Variants in ZNF407 observed in about 807,000 individuals in gnomAD.
ZNF407 encodes zinc finger protein 407.
A neutral mutation model predicts 131.2 loss-of-function variants in ZNF407; 17 were observed. That is an observed-to-expected ratio of 0.13 (90% CI 0.09 to 0.19). The LOEUF is 0.19. Among genes scored for constraint, ZNF407 ranks in the 10% least tolerant of loss-of-function variants. The pLI is 1.00. For synonymous variants in ZNF407, 1,156 were observed against 1,062.0 expected (o/e 1.09, Z -1.72); for missense variants, 2,681 against 2,830.6 (o/e 0.95, Z 1.20).
intron 1 of ZNF407, among the ~76,000 whole-genome samples, chr18:74,601,159 G>T (rs1382777477): frequency 6.6e-6 from 1 of 152,164 alleles, no homozygotes; most frequent in Admixed American, 6.5e-5. Context: ...TTCCCTGTGT[G>T]GTGATGGAAG....
intron 8 of ZNF407, among the ~76,000 whole-genome samples, chr18:74,953,360 C>T (rs1311539832): frequency 6.6e-6 from 1 of 152,188 alleles, no homozygotes; most frequent in African/African-American, 2.4e-5. Context: ...CAACCAACGC[C>T]TTAATGTGTA....
At chr18:74,792,805 A>G (rs1000252857) in intron 4 of ZNF407, among the ~76,000 whole-genome samples, 4 of 152,170 alleles carry the variant, frequency 2.6e-5, no homozygotes, top group Non-Finnish European at 2.9e-5. Flanking sequence ...TACGTGGAAC[A>G]TAACTGTGTG....
intron 7 of ZNF407, among the ~76,000 whole-genome samples, chr18:74,916,997 C>T (rs1971780796): frequency 6.6e-6 from 1 of 151,424 alleles, no homozygotes; most frequent in Non-Finnish European, 1.5e-5. Context: ...ACTTTACCAC[C>T]TGCACATGTG....
chr18:74,894,938 T>G (rs948796337), intron 7 of ZNF407, among the ~76,000 whole-genome samples: 2 of 152,124 alleles, frequency 1.3e-5, no homozygotes, highest in African/African-American at 4.8e-5. Context: ...CTTCTAACCT[T>G]ACATACCCTT....
intron 3 of ZNF407, among the ~76,000 whole-genome samples, chr18:74,651,790 C>G (rs1985238252): frequency 6.6e-6 from 1 of 152,106 alleles, no homozygotes; most frequent in Non-Finnish European, 1.5e-5. Context: ...TGTCCCTCAA[C>G]AAAGAGAGCA....
At chr18:74,969,098 G>A (rs1972442526) in intron 8 of ZNF407, among the ~76,000 whole-genome samples, 1 of 152,226 alleles carries the variant, frequency 6.6e-6, no homozygotes, top group South Asian at 2.1e-4. Flanking sequence ...TTTCAGTTCT[G>A]TAAATTCCAT....
chr18:74,881,696 G>A (rs954164894), intron 6 of ZNF407, among the ~76,000 whole-genome samples: 2 of 152,128 alleles, frequency 1.3e-5, no homozygotes, highest in Non-Finnish European at 2.9e-5. Context: ...ACATCAAACA[G>A]CAACATGAGA....
intron 6 of ZNF407, among the ~76,000 whole-genome samples, chr18:74,881,421 C>T (rs1971236522): frequency 2.0e-5 from 3 of 152,106 alleles, no homozygotes; most frequent in African/African-American, 4.8e-5. Context: ...CTTCTCTGTC[C>T]GCAAATCTCT....
At position 74,676,714 on chromosome 18, in the gene ZNF407, G is replaced by T. The variant is rs182920854; in HGVS notation, c.4802+35592G>T. 6.2e-4 allele frequency among the ~76,000 whole-genome samples: 94 copies of T among 151,888 alleles called. No homozygotes were observed. In the Middle Eastern group the frequency reaches 0.014, roughly 22 times the overall value. ...CTCCCAGAATGCTGGGATTACAGAC[G>T]TGAGCCACTGTGCCCGGCCAGTATT... On this transcript the variant is annotated intron_variant, in intron 3 of 8. Transcript: ENST00000299687.
intron 4 of ZNF407, among the ~76,000 whole-genome samples, chr18:74,867,698 G>A (rs759374178): frequency 3.9e-5 from 6 of 152,150 alleles, no homozygotes; most frequent in South Asian, 2.1e-4. Context: ...CAGATATACC[G>A]TGTTTTTCCA....
intron 4 of ZNF407, chr18:74,804,200 A>G: frequency 7.4e-7 from 1 of 1,345,022 alleles, no homozygotes; most frequent in African/African-American, 1.5e-5. Flanking sequence ...TGTGTGATGT[A>G]AATCATCACA....
At chr18:74,852,086 G>C (rs1046706079) in intron 4 of ZNF407, among the ~76,000 whole-genome samples, 3 of 152,054 alleles carry the variant, frequency 2.0e-5, no homozygotes, top group African/African-American at 7.2e-5. Context: ...GCCTACCGCG[G>C]CAGAGAATAG....
At chr18:74,990,688 C>T (rs889654335) in intron 8 of ZNF407, among the ~76,000 whole-genome samples, 4 of 152,188 alleles carry the variant, frequency 2.6e-5, no homozygotes, top group African/African-American at 9.7e-5. Flanking sequence ...GCCACATTAA[C>T]TCTTCTTACA....
chr18:74,762,067 T>C (rs1969108461), intron 3 of ZNF407, among the ~76,000 whole-genome samples: 1 of 152,124 alleles, frequency 6.6e-6, no homozygotes, highest in Non-Finnish European at 1.5e-5. Context: ...GTTACCTTTT[T>C]GCTCTGAAAC....
intron 1 of ZNF407, among the ~76,000 whole-genome samples, chr18:74,625,114 G>C (rs954019062): frequency 2.6e-5 from 4 of 152,132 alleles, no homozygotes; most frequent in Non-Finnish European, 4.4e-5. Context: ...TTGAATGTTT[G>C]TTGTTATTTC....
chr18:75,039,689 T>A (rs1427719032), intron 8 of ZNF407, among the ~76,000 whole-genome samples: 1 of 149,904 alleles, frequency 6.7e-6, no homozygotes, highest in Non-Finnish European at 1.5e-5. Context: ...AGATTATCTC[T>A]CAGCCTATTT....
chr18:74,601,323 G>GTGTA (rs1568309568), intron 1 of ZNF407, among the ~76,000 whole-genome samples: 2 of 125,102 alleles, frequency 1.6e-5, no homozygotes, highest in Non-Finnish European at 3.3e-5. Context: ...GTGTGTGTGT[G>GTGTA]TATGTCTGTG....
At chr18:74,750,202 T>C (rs1286387655) in intron 3 of ZNF407, among the ~76,000 whole-genome samples, 1 of 152,208 alleles carries the variant, frequency 6.6e-6, no homozygotes, top group Non-Finnish European at 1.5e-5. Context: ...TGAATTCTTT[T>C]AGGCATTACT....
intron 8 of ZNF407, among the ~76,000 whole-genome samples, chr18:74,986,839 C>G (rs557958554): frequency 6.6e-6 from 1 of 152,090 alleles, no homozygotes; most frequent in African/African-American, 2.4e-5. Flanking sequence ...CCTGTTTATT[C>G]TTCTATTTTT....
Sources: allele counts gnomAD v4.1 joint callset (sites outside exome capture counted in the v4.1 genomes callset), GRCh38; gene constraint gnomAD v4.1.1; transcripts MANE v1.5; gene names NCBI Gene and HGNC (gene_info 2026-07-23, HGNC 2026-07-21).